The following BMPR1B variants were observed in gnomAD, a reference collection of about 807,000 sequenced individuals.
BMPR1B encodes the protein bone morphogenetic protein receptor type-1B.
Under a neutral mutation model 59.1 loss-of-function variants are expected in BMPR1B, and 12 were observed. The observed-to-expected ratio is 0.20, with a 90% CI of 0.13 to 0.33. BMPR1B has a LOEUF of 0.33. Ranked by LOEUF, BMPR1B falls within the 10% of genes least tolerant of loss-of-function variation. BMPR1B has a pLI of 1.00. For synonymous variants in BMPR1B, 237 were observed against 207.3 expected (o/e 1.14, Z -1.23); for missense variants, 550 against 610.9 (o/e 0.90, Z 1.05).
At chr4:94,765,324 C>T (rs1015841015) in intron 1 of BMPR1B, among the ~76,000 whole-genome samples, 1 of 152,066 alleles carries the variant, frequency 6.6e-6, no homozygotes, top group African/African-American at 2.4e-5. Flanking sequence ...TTGTGACTTT[C>T]GTTTTGAATT....
chr4:95,148,304 T>TA (rs1734788577), intron 10 of BMPR1B, among the ~76,000 whole-genome samples: 1 of 152,172 alleles, frequency 6.6e-6, no homozygotes, highest in African/African-American at 2.4e-5. Context: ...AGGGTTTTTT[T>TA]AGATATTTAA....
intron 4 of BMPR1B, among the ~76,000 whole-genome samples, chr4:95,110,735 T>C (rs1331631495): frequency 6.6e-6 from 1 of 152,200 alleles, no homozygotes; most frequent in Non-Finnish European, 1.5e-5. Flanking sequence ...TTTCCAGGAT[T>C]GGTGGCCTTC....
At chr4:94,956,973 G>T (rs1290042123) in intron 2 of BMPR1B, among the ~76,000 whole-genome samples, 2 of 152,150 alleles carry the variant, frequency 1.3e-5, no homozygotes, top group Non-Finnish European at 2.9e-5. Context: ...CATCATTGTG[G>T]TAAAAATTGT....
At chr4:94,978,024 T>G (rs890705340) in intron 2 of BMPR1B, among the ~76,000 whole-genome samples, 1 of 152,214 alleles carries the variant, frequency 6.6e-6, no homozygotes, top group African/African-American at 2.4e-5. Flanking sequence ...AATAACTTAA[T>G]CCTCATTTCT....
At chr4:94,991,687 G>C (rs1721769031) in intron 2 of BMPR1B, among the ~76,000 whole-genome samples, 1 of 152,176 alleles carries the variant, frequency 6.6e-6, no homozygotes, top group South Asian at 2.1e-4. Context: ...CCTAGTCCAT[G>C]CTGTCAGAGA....
chr4:94,847,895 G>T (rs953422897), intron 1 of BMPR1B, among the ~76,000 whole-genome samples: 1 of 151,834 alleles, frequency 6.6e-6, no homozygotes, highest in Non-Finnish European at 1.5e-5. Context: ...GTAATTTATT[G>T]TACATTAAAA....
At chr4:94,823,896 T>C (rs567656468) in intron 1 of BMPR1B, among the ~76,000 whole-genome samples, 6 of 152,172 alleles carry the variant, frequency 3.9e-5, no homozygotes, top group South Asian at 2.1e-4. Flanking sequence ...TACAGGTGCC[T>C]GCCACCACGC....
intron 2 of BMPR1B, among the ~76,000 whole-genome samples, chr4:94,915,886 C>T (rs756875848): frequency 2.6e-5 from 4 of 152,186 alleles, no homozygotes; most frequent in Non-Finnish European, 4.4e-5. Flanking sequence ...TCCCTCATGG[C>T]TTGATGCCGT....
intron 3 of BMPR1B, among the ~76,000 whole-genome samples, chr4:95,003,346 C>A (rs1372677018): frequency 6.6e-6 from 1 of 151,804 alleles, no homozygotes; most frequent in Non-Finnish European, 1.5e-5. Context: ...TATTCTTGTG[C>A]CACAAATTTA....
chr4:94,979,563 G>T (rs1481474959), intron 2 of BMPR1B, among the ~76,000 whole-genome samples: 2 of 152,134 alleles, frequency 1.3e-5, no homozygotes, highest in African/African-American at 4.8e-5. Flanking sequence ...GAAACCTTGT[G>T]TTTTTGTAAG....
chr4:94,932,833 C>G (rs901121151), intron 2 of BMPR1B, among the ~76,000 whole-genome samples: 1 of 152,108 alleles, frequency 6.6e-6, no homozygotes, highest in African/African-American at 2.4e-5. Context: ...TTGGCTAGGT[C>G]TGACGGTTAT....
chr4:94,919,513 A>G (rs1271223198), intron 2 of BMPR1B, among the ~76,000 whole-genome samples: 2 of 152,254 alleles, frequency 1.3e-5, no homozygotes, highest in East Asian at 3.9e-4. Flanking sequence ...GTTTTGACAG[A>G]GACACCTCAT....
chr4:94,807,640 G>T (rs1485674379), intron 1 of BMPR1B, among the ~76,000 whole-genome samples: 3 of 152,132 alleles, frequency 2.0e-5, no homozygotes, highest in Non-Finnish European at 4.4e-5. Flanking sequence ...TTCAGTCTAG[G>T]TCCAGCAATA....
At chr4:95,010,183 A>G (rs892708382) in intron 3 of BMPR1B, among the ~76,000 whole-genome samples, 23 of 152,122 alleles carry the variant, frequency 1.5e-4, no homozygotes, top group Non-Finnish European at 2.4e-4. Flanking sequence ...GGTACTTTAC[A>G]TTTCCTTGTG....
chr4:94,906,130 T>C (rs1280795974), intron 2 of BMPR1B, among the ~76,000 whole-genome samples: 1 of 151,972 alleles, frequency 6.6e-6, no homozygotes, highest in African/African-American at 2.4e-5. Flanking sequence ...TCACATTATC[T>C]CCAATGACTC....
At chr4:95,016,176 G>T (rs908885911) in intron 3 of BMPR1B, among the ~76,000 whole-genome samples, 7 of 152,166 alleles carry the variant, frequency 4.6e-5, no homozygotes, top group African/African-American at 1.4e-4. Flanking sequence ...GAAAAACTTT[G>T]CAACTGCCAC....
At chr4:94,814,435 C>T (rs1369482730) in intron 1 of BMPR1B, among the ~76,000 whole-genome samples, 1 of 152,164 alleles carries the variant, frequency 6.6e-6, no homozygotes, top group Non-Finnish European at 1.5e-5. Flanking sequence ...CAGGCTCATA[C>T]AGTGAGTGCC....
chr4:94,997,004 G>C (rs1034277224), intron 3 of BMPR1B, among the ~76,000 whole-genome samples: 3 of 152,086 alleles, frequency 2.0e-5, no homozygotes, highest in Admixed American at 2.0e-4. Context: ...GTATTTTCTG[G>C]TTCTAGCTCA....
intron 3 of BMPR1B, among the ~76,000 whole-genome samples, chr4:95,019,289 G>A (rs1296488979): frequency 6.6e-6 from 1 of 152,060 alleles, no homozygotes; most frequent in African/African-American, 2.4e-5. Flanking sequence ...TTAAATAGGG[G>A]CATTTAATTT....
Sources: gnomAD v4.1 joint callset for allele counts (sites outside exome capture counted in the v4.1 genomes callset) on GRCh38, gnomAD v4.1.1 for gene constraint, MANE v1.5 for transcripts, NCBI Gene and HGNC (gene_info 2026-07-23, HGNC 2026-07-21) for gene names.